CFAP299: variants seen among roughly 807,000 people sequenced by gnomAD.
CFAP299 encodes cilia- and flagella-associated protein 299.
Under a neutral mutation model 27.0 loss-of-function variants are expected in CFAP299, and 21 were observed. The ratio of observed to expected loss-of-function variants is 0.78; its 90% confidence interval spans 0.55 to 1.12. The LOEUF is 1.12. Among genes scored for constraint, CFAP299 ranks in the 50% most tolerant of loss-of-function variants. CFAP299 has a pLI of 0.00. For missense variants in CFAP299, 310 were observed against 276.6 expected, an observed-to-expected ratio of 1.12 and a Z score of -0.86; for synonymous variants, 104 against 98.1, an observed-to-expected ratio of 1.06 and a Z score of -0.36.
At chr4:80,371,411 T>C (rs1387424457) in intron 2 of CFAP299, among the ~76,000 whole-genome samples, 1 of 152,232 alleles carries the variant, frequency 6.6e-6, no homozygotes. Context: ...GCAGCCTGCT[T>C]GGATTTCTCC....
intron 3 of CFAP299, among the ~76,000 whole-genome samples, chr4:80,800,698 A>T (rs1728523581): frequency 8.5e-6 from 1 of 117,124 alleles, no homozygotes; most frequent in South Asian, 2.3e-4. Flanking sequence ...ATATATATTT[A>T]TATATGAGTT....
intron 2 of CFAP299, among the ~76,000 whole-genome samples, chr4:80,521,471 C>G (rs56897360): frequency 0.2 from 30,808 of 152,042 alleles, 3,823 homozygotes; most frequent in African/African-American, 0.34. Flanking sequence ...ATGGAAAAAA[C>G]TACATACATG....
At chr4:80,845,886 A>G (rs1731155964) in intron 3 of CFAP299, among the ~76,000 whole-genome samples, 1 of 152,198 alleles carries the variant, frequency 6.6e-6, no homozygotes, top group South Asian at 2.1e-4. Context: ...TTATTATTGA[A>G]AAATTATTTT....
intron 3 of CFAP299, among the ~76,000 whole-genome samples, chr4:80,854,787 T>C (rs574896445): frequency 1.4e-3 from 179 of 130,076 alleles, no homozygotes; most frequent in African/African-American, 4.7e-3. Flanking sequence ...TTTCTTTTTC[T>C]AGCCAAACTC....
intron 1 of CFAP299, among the ~76,000 whole-genome samples, chr4:80,344,736 T>G (rs1172886888): frequency 6.6e-6 from 1 of 152,070 alleles, no homozygotes; most frequent in Non-Finnish European, 1.5e-5. Flanking sequence ...CAATCCAAAA[T>G]CCTCAATAAA....
At chr4:80,412,216 A>G (rs1726754573) in intron 2 of CFAP299, among the ~76,000 whole-genome samples, 1 of 150,976 alleles carries the variant, frequency 6.6e-6, no homozygotes, top group African/African-American at 2.4e-5. Context: ...CATCATTTTA[A>G]CTATCCCAAG....
chr4:80,753,666 C>T (rs1725064896), intron 3 of CFAP299, among the ~76,000 whole-genome samples: 1 of 152,002 alleles, frequency 6.6e-6, no homozygotes, highest in Non-Finnish European at 1.5e-5. Context: ...GTTTTGGATG[C>T]TTTGTTGTTT....
In CFAP299 at chr4:80,387,722, C is replaced by T; in HGVS notation, c.242+24838C>T. The T allele has an allele frequency of 1.9e-6, 3 of 1,583,328 alleles. No homozygotes were observed. The South Asian group carries it at 3.3e-5, about 17-fold the overall frequency. On this transcript the variant is annotated intron_variant, in intron 2 of 5. Coordinates refer to ENST00000358105, the MANE Select transcript of CFAP299 (RefSeq NM_152770.3). ...CATGCAATGCATTGGAAGGGCTTCT[C>T]ACCTGTGTGGCTTCAGATGTGCTGC...
intron 4 of CFAP299, among the ~76,000 whole-genome samples, chr4:80,881,453 G>A (rs1423461094): frequency 6.6e-6 from 1 of 152,138 alleles, no homozygotes; most frequent in East Asian, 1.9e-4. Flanking sequence ...CTTATAGCTG[G>A]CACTGCTCTA....
At chr4:80,789,122 G>C (rs1222394541) in intron 3 of CFAP299, among the ~76,000 whole-genome samples, 1 of 149,856 alleles carries the variant, frequency 6.7e-6, no homozygotes, top group Non-Finnish European at 1.5e-5. Context: ...AGAGATTTTG[G>C]TTATGAAAAG....
At chr4:80,347,492 C>T in intron 1 of CFAP299, among the ~76,000 whole-genome samples, 1 of 152,070 alleles carries the variant, frequency 6.6e-6, no homozygotes, top group East Asian at 1.9e-4. Context: ...CAACAACAGG[C>T]AAGCAAAGAG....
At chr4:80,536,607 C>A (rs952443474) in intron 2 of CFAP299, among the ~76,000 whole-genome samples, 1 of 152,066 alleles carries the variant, frequency 6.6e-6, no homozygotes, top group Non-Finnish European at 1.5e-5. Flanking sequence ...CAAGAACATA[C>A]AGGGAGGAAA....
intron 2 of CFAP299, among the ~76,000 whole-genome samples, chr4:80,482,064 G>A (rs1157204871): frequency 6.6e-6 from 1 of 151,836 alleles, no homozygotes; most frequent in East Asian, 1.9e-4. Context: ...TAAAAAAAGT[G>A]GAAGAGTCAG....
intron 4 of CFAP299, among the ~76,000 whole-genome samples, chr4:80,914,991 AT>A (rs1328031853): frequency 1.3e-5 from 2 of 151,224 alleles, no homozygotes; most frequent in East Asian, 2.0e-4. Flanking sequence ...TTATTATTTT[AT>A]TTTTTTCTTA....
chr4:80,866,059 T>TTTTA (rs886156357), intron 3 of CFAP299, among the ~76,000 whole-genome samples: 3 of 58,372 alleles, frequency 5.1e-5, no homozygotes, highest in African/African-American at 1.1e-4. Context: ...ACTTAAAGTA[T>TTTTA]TATATATATA....
chr4:80,664,728 G>C lies in CFAP299; in HGVS notation c.333+81545G>C, dbSNP rs143567960. Among the ~76,000 whole-genome samples the C allele has an allele frequency of 5.1e-3, 769 of 152,136 alleles. 5 individuals carry two copies. Among genetic ancestry groups the C allele is most frequent in the Middle Eastern group, 0.02 (6 of 294 alleles). On this transcript the variant is annotated intron_variant, in intron 3 of 5. Transcript: ENST00000358105. ...TTACCTGGTTCAGCCCCCTTTCCAGGGGAGTGAATGGTTCTGCCTGGCTGG... is the reference window on the plus strand; with the variant it reads ...TTACCTGGTTCAGCCCCCTTTCCAGCGGAGTGAATGGTTCTGCCTGGCTGG...
intron 2 of CFAP299, among the ~76,000 whole-genome samples, chr4:80,380,802 A>T (rs1188514440): frequency 6.6e-6 from 1 of 152,188 alleles, no homozygotes; most frequent in Non-Finnish European, 1.5e-5. Context: ...AATCTGTTGT[A>T]AGCAAAAAGA....
upstream of CFAP299, among the ~76,000 whole-genome samples, chr4:80,333,650 G>T (rs1368474646): frequency 6.6e-6 from 1 of 152,034 alleles, no homozygotes; most frequent in Non-Finnish European, 1.5e-5. Flanking sequence ...CATATATTTT[G>T]TTATTCTTAC....
chr4:80,322,387 A>G, the CFAP299 span, among the ~76,000 whole-genome samples: 1 of 152,212 alleles, frequency 6.6e-6, no homozygotes, highest in Non-Finnish European at 1.5e-5. Context: ...GGTGGGACTC[A>G]GTCTTGATAC....
Sources: allele counts gnomAD v4.1 joint callset (sites outside exome capture counted in the v4.1 genomes callset), GRCh38; gene constraint gnomAD v4.1.1; transcripts MANE v1.5; gene names NCBI Gene and HGNC (gene_info 2026-07-23, HGNC 2026-07-21).